SHTN1: variants seen among roughly 807,000 people sequenced by gnomAD.
SHTN1 encodes the protein shootin 1, also known as shootin-1.
SHTN1 carries 42 observed loss-of-function variants against 83.1 expected under a neutral mutation model. The observed-to-expected ratio is 0.51, with a 90% CI of 0.39 to 0.65. The LOEUF (loss-of-function observed/expected upper bound fraction) is 0.65. Ranked by LOEUF, SHTN1 falls within the 30% of genes least tolerant of loss-of-function variation. The probability of loss-of-function intolerance (pLI) is 0.00; values close to 1 mark genes in which losing one functional copy is unlikely to be tolerated. For synonymous variants in SHTN1, 224 were observed against 247.7 expected (o/e 0.90, Z 0.90); for missense variants, 622 against 737.8 (o/e 0.84, Z 1.82).
chr10:116,893,897 A>G (rs929288684), intron 16 of SHTN1, among the ~76,000 whole-genome samples: 8 of 152,226 alleles, frequency 5.3e-5, no homozygotes, highest in Non-Finnish European at 8.8e-5. Context: ...ATAGGATTAG[A>G]GAAAGTAAAC....
intron 1 of SHTN1, among the ~76,000 whole-genome samples, chr10:116,989,733 G>A (rs550123700): frequency 1.1e-4 from 16 of 152,180 alleles, no homozygotes; most frequent in African/African-American, 3.4e-4. Context: ...CTAAAATGAA[G>A]TGTTCTTTGT....
At chr10:116,980,674 C>T (rs1004356049) in intron 1 of SHTN1, among the ~76,000 whole-genome samples, 3 of 151,964 alleles carry the variant, frequency 2.0e-5, no homozygotes, top group African/African-American at 7.3e-5. Context: ...CAAGAACATC[C>T]CAGATAATCT....
rs150930464 is a variant in SHTN1, at chr10:116,994,703, A to G, written c.58+10319T>C. ...TATCAGTCTGATTAAATATTATTTC[A>G]CAATCAGAATGACTATTATTTCACA... On this transcript the variant is annotated intron_variant, in intron 1 of 16. Coordinates refer to ENST00000355371, the MANE Select transcript of SHTN1 (RefSeq NM_001127211.3). Among the ~76,000 whole-genome samples the G allele has an allele frequency of 9.2e-3, 1,395 of 152,198 alleles. 11 individuals are homozygous for G. Among genetic ancestry groups the G allele is most frequent in the Non-Finnish European group, 0.015 (1,050 of 67,946 alleles).
At chr10:117,118,815 G>T (rs1237442215) in intron 1 of SHTN1, among the ~76,000 whole-genome samples, 1 of 152,178 alleles carries the variant, frequency 6.6e-6, no homozygotes, top group African/African-American at 2.4e-5. Flanking sequence ...TCAGGAAGAA[G>T]AGCTAATGGA....
intron 10 of SHTN1, 87 bp downstream of exon 10, chr10:116,929,762 T>C (rs1027792516): frequency 9.7e-6 from 8 of 821,622 alleles, no homozygotes; most frequent in Non-Finnish European, 1.4e-5. Context: ...GTAAATGTTC[T>C]AGACTAACTA....
At chr10:116,960,060 C>T (rs984177438) in intron 4 of SHTN1, 76 bp downstream of exon 4, 3 of 832,570 alleles carry the variant, frequency 3.6e-6, no homozygotes, top group Non-Finnish European at 6.0e-6. Context: ...AAAGCAAAAC[C>T]AGATAGAAGC....
At chr10:117,051,015 C>CAA (rs1238159250) in intron 1 of SHTN1, among the ~76,000 whole-genome samples, 3 of 152,176 alleles carry the variant, frequency 2.0e-5, no homozygotes, top group African/African-American at 7.2e-5. Context: ...TCTGATCGCA[C>CAA]TCCTGCACTA....
At chr10:116,975,414 T>C (rs1850765163) in intron 2 of SHTN1, among the ~76,000 whole-genome samples, 1 of 151,952 alleles carries the variant, frequency 6.6e-6, no homozygotes, top group African/African-American at 2.4e-5. Flanking sequence ...TGTCTTTTTG[T>C]TCTTTGTCCA....
chr10:117,075,434 G>C (rs1372287873), intron 1 of SHTN1, among the ~76,000 whole-genome samples: 2 of 152,116 alleles, frequency 1.3e-5, no homozygotes, highest in African/African-American at 4.8e-5. Flanking sequence ...ATAAATACCG[G>C]GCAAATTCTT....
At chr10:116,974,736 CCTT>C (rs1850732754) in intron 2 of SHTN1, among the ~76,000 whole-genome samples, 1 of 152,022 alleles carries the variant, frequency 6.6e-6, no homozygotes, top group Non-Finnish European at 1.5e-5. Context: ...ATACAGATTT[CCTT>C]CTTTTTACGC....
At chr10:117,039,697 C>CA (rs1247374464) in intron 2 of SHTN1, among the ~76,000 whole-genome samples, 5 of 151,464 alleles carry the variant, frequency 3.3e-5, no homozygotes, top group African/African-American at 7.3e-5. Context: ...ACTAAAAATA[C>CA]AAAAAATTAG....
intron 6 of SHTN1, among the ~76,000 whole-genome samples, chr10:116,949,915 A>G (rs1218069911): frequency 1.3e-5 from 2 of 152,232 alleles, no homozygotes; most frequent in African/African-American, 2.4e-5. Flanking sequence ...GGTAGAAGAT[A>G]AATCTCAAAT....
At chr10:116,938,615 G>A (rs371675043) in intron 9 of SHTN1, among the ~76,000 whole-genome samples, 1 of 152,234 alleles carries the variant, frequency 6.6e-6, no homozygotes, top group Non-Finnish European at 1.5e-5. Flanking sequence ...CCTGCTGGGA[G>A]GTGTCTCCCA....
rs537756679 is a variant in SHTN1 at position 116,897,904 on chromosome 10, C to A, written c.1673+3861G>T. On this transcript the variant is annotated intron_variant, in intron 16 of 16. Coordinates refer to ENST00000355371, the MANE Select transcript of SHTN1 (RefSeq NM_001127211.3). ...AAATCACATTGTTTCCTTGTTACTC[C>A]CCCTCCCGTCTACAGGCTTTTATTG... Among the ~76,000 whole-genome samples, 446 of 152,236 alleles carry A rather than the reference C, an allele frequency of 2.9e-3. 2 individuals are homozygous for A. The highest frequency in any genetic ancestry group is 0.01 in the African/African-American group (432 of 41,542).
chr10:117,056,299 A>G (rs756056230), intron 1 of SHTN1, among the ~76,000 whole-genome samples: 28 of 152,352 alleles, frequency 1.8e-4, no homozygotes, highest in African/African-American at 4.1e-4. Flanking sequence ...CAGTATAGAC[A>G]TAACAATCCT....
chr10:116,927,415 G>C (rs1848781277), intron 11 of SHTN1, among the ~76,000 whole-genome samples: 2 of 152,132 alleles, frequency 1.3e-5, no homozygotes, highest in Non-Finnish European at 2.9e-5. Context: ...CACATGGCTG[G>C]GGAGGCCTCA....
chr10:117,106,466 A>T (rs1043555574), intron 1 of SHTN1, among the ~76,000 whole-genome samples: 5 of 152,176 alleles, frequency 3.3e-5, no homozygotes, highest in African/African-American at 1.2e-4. Context: ...AAATAAATAA[A>T]TAATAACAAA....
chr10:116,891,864 A>G (rs2133304496), intron 16 of SHTN1, among the ~76,000 whole-genome samples: 1 of 152,310 alleles, frequency 6.6e-6, no homozygotes, highest in East Asian at 1.9e-4. Context: ...ACAAAGCTCA[A>G]TTCTTTTTGT....
At chr10:117,109,886 A>G (rs538537930) in intron 1 of SHTN1, among the ~76,000 whole-genome samples, 271 of 152,236 alleles carry the variant, frequency 1.8e-3, no homozygotes, top group Non-Finnish European at 2.9e-3. Context: ...CTAAATTTCA[A>G]TAAGTAATAA....
Sources: gnomAD v4.1 joint callset for allele counts (sites outside exome capture counted in the v4.1 genomes callset) on GRCh38, gnomAD v4.1.1 for gene constraint, MANE v1.5 for transcripts, NCBI Gene and HGNC (gene_info 2026-07-23, HGNC 2026-07-21) for gene names.